RGS3: variants seen among roughly 807,000 people sequenced by gnomAD.
RGS3 encodes regulator of G protein signaling 3.
RGS3 carries 80 observed loss-of-function variants against 132.6 expected under a neutral mutation model. The observed-to-expected ratio is 0.60, with a 90% confidence interval of 0.50 to 0.73. The LOEUF is 0.73. RGS3 is among the 30% of genes least tolerant of loss of function. The pLI, the probability that RGS3 is intolerant of heterozygous loss-of-function variation, is 0.00. For missense variants in RGS3, 1,382 were observed against 1,530.8 expected (o/e 0.90, Z 1.62); for synonymous variants, 598 against 620.6 (o/e 0.96, Z 0.54).
chr9:113,508,009 G>A (rs1322646757), intron 13 of RGS3, among the ~76,000 whole-genome samples: 1 of 152,170 alleles, frequency 6.6e-6, no homozygotes, highest in Non-Finnish European at 1.5e-5. Flanking sequence ...GTGGGATGAT[G>A]GAGTGCGCTC....
intron 1 of RGS3, among the ~76,000 whole-genome samples, chr9:113,451,126 C>T (rs564655580): frequency 6.7e-6 from 1 of 149,348 alleles, no homozygotes; most frequent in South Asian, 2.1e-4. Context: ...TGCAGTGAGC[C>T]GAGATCACAC....
intron 10 of RGS3, among the ~76,000 whole-genome samples, chr9:113,498,507 C>T (rs748159165): frequency 1.3e-5 from 2 of 152,206 alleles, no homozygotes; most frequent in Non-Finnish European, 2.9e-5. Context: ...ATTAGGGCTT[C>T]AAGTCTGGAA....
intron 18 of RGS3, among the ~76,000 whole-genome samples, chr9:113,533,954 C>T (rs894394954): frequency 2.0e-5 from 3 of 152,252 alleles, no homozygotes; most frequent in Non-Finnish European, 4.4e-5. Context: ...TGCCTCAGCG[C>T]ACCACCCAGT....
intron 14 of RGS3, among the ~76,000 whole-genome samples, chr9:113,512,363 CATCCAGGGCTCAT>C (rs1831442693): frequency 6.6e-6 from 1 of 152,174 alleles, no homozygotes; most frequent in South Asian, 2.1e-4. Context: ...CTCCTGTGCC[CATCCAGGGCTCAT>C]GCTCATTCTA....
At chr9:113,523,252 C>G (rs1460136307) in intron 17 of RGS3, among the ~76,000 whole-genome samples, 26 of 152,110 alleles carry the variant, frequency 1.7e-4, no homozygotes, top group Non-Finnish European at 1.5e-5. Context: ...AGGGAAGTTT[C>G]TATTCTAGAG....
intron 24 of RGS3, 108 bp from the exon 23 acceptor site, chr9:113,596,660 G>T: frequency 1.1e-6 from 1 of 896,722 alleles, no homozygotes; most frequent in Non-Finnish European, 1.7e-6. Context: ...AAGATGTGGG[G>T]CAAAGGGGCT....
At chr9:113,459,914 C>T (rs942322915), upstream of RGS3, among the ~76,000 whole-genome samples, 1 of 151,882 alleles carries the variant, frequency 6.6e-6, no homozygotes, top group African/African-American at 2.4e-5. Context: ...GTAGTGTACA[C>T]CTGTAATCTC....
rs981850845 is a variant in RGS3 at position 113,463,216 on chromosome 9, A to G, written c.415+1015A>G. Among the ~76,000 whole-genome samples, 6 of 152,174 alleles carry G rather than the reference A, an allele frequency of 3.9e-5. No homozygotes were observed. The highest frequency in any genetic ancestry group is 1.4e-4 in the African/African-American group (6 of 41,456). On this transcript the variant is annotated intron_variant, in intron 3 of 24. Transcript: ENST00000350696. The surrounding 1 kb of genome is among the most constrained non-coding windows in gnomAD (Gnocchi z 4.6). ...ACTTGTTCAAGAGGAGGCTCAAGAG[A>G]GTGATCCAGGATGCAGGGTTTGGGA...
intron 3 of RGS3, among the ~76,000 whole-genome samples, chr9:113,466,500 A>G (rs1011409561): frequency 6.6e-6 from 1 of 152,260 alleles, no homozygotes; most frequent in Non-Finnish European, 1.5e-5. Context: ...GAGTATGTTC[A>G]AGTGACATTA....
At chr9:113,559,232 A>G (rs1833692312) in intron 19 of RGS3, among the ~76,000 whole-genome samples, 1 of 152,258 alleles carries the variant, frequency 6.6e-6, no homozygotes, top group African/African-American at 2.4e-5. Context: ...CTGACAGGAC[A>G]CAGCCTGGCC....
intron 21 of RGS3, chr9:113,592,667 A>G (rs1835501779): frequency 6.6e-6 from 1 of 152,046 alleles, no homozygotes; most frequent in Non-Finnish European, 1.5e-5. Context: ...TTGTACTTTT[A>G]GTAGAGATGG....
intron 19 of RGS3, among the ~76,000 whole-genome samples, chr9:113,560,513 A>G (rs1219870804): frequency 6.6e-6 from 1 of 152,224 alleles, no homozygotes; most frequent in African/African-American, 2.4e-5. Flanking sequence ...CAGCGGCTTC[A>G]TCTGCCATGA....
In RGS3 at chr9:113,596,929, G is replaced by T. The variant is rs201772481; in HGVS notation, c.3573G>T (p.Gln1191His). Residue 1191 changes from glutamine (Q) to histidine (H), a missense_variant, in exon 25 of 25, where the codon CAG (glutamine) becomes CAT (histidine). Transcript: ENST00000350696. ...ACCTCTACCTGGACCTTATTAACCA[G>T]AAGAAGATGAGTCCCCCGCTTTAGG... 2.5e-6 allele frequency: 4 copies of T among 1,610,590 alleles called. No homozygotes were observed. In the African/African-American group the frequency reaches 5.3e-5, roughly 21 times the overall value.
At chr9:113,555,284 A>G (rs866719864) in intron 19 of RGS3, among the ~76,000 whole-genome samples, 15 of 152,300 alleles carry the variant, frequency 9.8e-5, no homozygotes, top group South Asian at 8.3e-4. Context: ...CTAGTCTGCT[A>G]GTGGCTTTAC....
intron 18 of RGS3, among the ~76,000 whole-genome samples, chr9:113,532,603 C>T (rs147060793): frequency 9.2e-5 from 14 of 152,290 alleles, no homozygotes; most frequent in African/African-American, 3.4e-4. Context: ...TGGGGCAGGG[C>T]AGCAGAGGGT....
At chr9:113,461,560 G>A (rs991925754) in intron 1 of RGS3, 12 of 766,542 alleles carry the variant, frequency 1.6e-5, no homozygotes, top group Non-Finnish European at 2.3e-5. Flanking sequence ...GCCAGCTCAG[G>A]ATCAGGCTGG....
At chr9:113,522,849 C>G in intron 16 of RGS3, 81 bp from the exon 15 acceptor site, 1 of 896,062 alleles carries the variant, frequency 1.1e-6, no homozygotes, top group South Asian at 1.3e-5. Flanking sequence ...CTGTGGCTCC[C>G]CACCTTCTCG....
At chr9:113,496,679 T>G (rs1830694447) in intron 8 of RGS3, among the ~76,000 whole-genome samples, 1 of 152,016 alleles carries the variant, frequency 6.6e-6, no homozygotes, top group South Asian at 2.1e-4. Flanking sequence ...GCCTCCTGAG[T>G]AGCTGGGATT....
At chr9:113,583,361 C>T in intron 19 of RGS3, 89 bp from the exon 18 acceptor site, 1 of 1,514,672 alleles carries the variant, frequency 6.6e-7, no homozygotes, top group Non-Finnish European at 8.8e-7. Context: ...GTTCAGGCCA[C>T]TGCCTGATTT....
Sources: gnomAD v4.1 joint callset for allele counts (sites outside exome capture counted in the v4.1 genomes callset) on GRCh38, gnomAD v4.1.1 for gene constraint, Gnocchi (gnomAD v3.1) non-coding constraint, MANE v1.5 for transcripts, NCBI Gene and HGNC (gene_info 2026-07-23, HGNC 2026-07-21) for gene names.